NRG1: variants seen among roughly 807,000 people sequenced by gnomAD.
The protein encoded by NRG1 is pro-neuregulin-1, membrane-bound isoform.
A neutral mutation model predicts 63.8 loss-of-function variants in NRG1; 18 were observed. The ratio of observed to expected loss-of-function variants is 0.28; its 90% confidence interval spans 0.19 to 0.42. The LOEUF (loss-of-function observed/expected upper bound fraction) is 0.42, where lower values mean the gene tolerates loss of function less well. Among genes scored for constraint, NRG1 ranks in the 10% least tolerant of loss-of-function variants. The pLI, the probability that NRG1 is intolerant of heterozygous loss-of-function variation, is 1.00. For missense variants in NRG1, 762 were observed against 814.7 expected, an observed-to-expected ratio of 0.94 and a Z score of 0.79; for synonymous variants, 302 against 301.3, an observed-to-expected ratio of 1.00 and a Z score of -0.02.
intron 1 of NRG1, chr8:32,139,077 C>G (rs1835914939): frequency 1.3e-5 from 2 of 152,190 alleles, no homozygotes; most frequent in Non-Finnish European, 2.9e-5. Context: ...AGCAACCATT[C>G]TGACCATATC....
intron 1 of NRG1, among the ~76,000 whole-genome samples, chr8:31,849,862 G>A (rs1827047941): frequency 6.6e-6 from 1 of 152,100 alleles, no homozygotes; most frequent in Non-Finnish European, 1.5e-5. Flanking sequence ...GTATATTTAT[G>A]TTTTGAATTT....
intron 1 of NRG1, among the ~76,000 whole-genome samples, chr8:32,539,204 TC>T (rs1832331178): frequency 6.6e-6 from 1 of 152,224 alleles, no homozygotes. Context: ...AGGAGAAGTT[TC>T]TATTTTATAG....
intron 1 of NRG1, among the ~76,000 whole-genome samples, chr8:32,004,090 A>G (rs1216300181): frequency 2.4e-4 from 36 of 152,020 alleles, no homozygotes; most frequent in Non-Finnish European, 2.9e-5. Flanking sequence ...GAAACATGGA[A>G]GAACCTTAAA....
At chr8:32,769,393 T>A (rs556297134), downstream of NRG1, among the ~76,000 whole-genome samples, 1 of 152,166 alleles carries the variant, frequency 6.6e-6, no homozygotes, top group Non-Finnish European at 1.5e-5. Context: ...TGTTCTCTCT[T>A]GATTTTTAAA....
At chr8:31,724,077 C>T (rs1813184225) in intron 1 of NRG1, among the ~76,000 whole-genome samples, 1 of 151,984 alleles carries the variant, frequency 6.6e-6, no homozygotes, top group East Asian at 1.9e-4. Context: ...TGATAATGAT[C>T]ATATATATTA....
At chr8:31,738,547 T>C (rs34949174) in intron 1 of NRG1, among the ~76,000 whole-genome samples, 35,389 of 152,028 alleles carry the variant, frequency 0.23, 4,395 homozygotes, top group Admixed American at 0.27. Flanking sequence ...TAGGCCTCTC[T>C]TTCCAGGTCT....
At chr8:31,861,811 ATCT>A (rs1041366683) in intron 1 of NRG1, among the ~76,000 whole-genome samples, 1 of 152,158 alleles carries the variant, frequency 6.6e-6, no homozygotes, top group Admixed American at 6.5e-5. Context: ...CAGTAATGTC[ATCT>A]TCTTCTGCTA....
At chr8:31,816,121 G>A (rs539892128) in intron 1 of NRG1, among the ~76,000 whole-genome samples, 2 of 152,176 alleles carry the variant, frequency 1.3e-5, no homozygotes, top group South Asian at 2.1e-4. Flanking sequence ...TCTTACCTTC[G>A]AAGTCACAGT....
chr8:32,298,732 A>G (rs7836992), intron 1 of NRG1, among the ~76,000 whole-genome samples: 10,219 of 110,814 alleles, frequency 0.092, 719 homozygotes, highest in African/African-American at 0.31. Flanking sequence ...AAAAAAAAAG[A>G]AAAGAAAAGA....
intron 5 of NRG1, among the ~76,000 whole-genome samples, chr8:32,712,107 C>T (rs1304607432): frequency 6.6e-6 from 1 of 152,134 alleles, no homozygotes; most frequent in Non-Finnish European, 1.5e-5. Context: ...AGTCTTTCTG[C>T]ACTTTGTAGA....
rs115655416 is a variant in NRG1, at chr8:32,152,724, A to G, written c.38-443104A>G. On this transcript the variant is annotated intron_variant, in intron 1 of 10. Transcript: ENST00000519301. ...AGTGACTGCTGAACTGGTTAAATCCACAAAAAAAAGCATCACATGAATTCA... is the reference window on the plus strand; with the variant it reads ...AGTGACTGCTGAACTGGTTAAATCCGCAAAAAAAAGCATCACATGAATTCA... 9.2e-3 allele frequency among the ~76,000 whole-genome samples: 1,400 copies of G among 152,320 alleles called. 18 individuals are homozygous for G. Among genetic ancestry groups the G allele is most frequent in the African/African-American group, 0.032 (1,341 of 41,568 alleles).
At chr8:32,760,526 T>C in intron 11 of NRG1, 120 bp downstream of exon 11, 1 of 1,502,600 alleles carries the variant, frequency 6.7e-7, no homozygotes, top group Non-Finnish European at 8.8e-7. Context: ...CAGTTACCTG[T>C]TCTAGGAGTG....
intron 1 of NRG1, among the ~76,000 whole-genome samples, chr8:32,117,599 A>G (rs1227491949): frequency 6.6e-6 from 1 of 152,108 alleles, no homozygotes; most frequent in African/African-American, 2.4e-5. Flanking sequence ...TTTGAAATTC[A>G]TGATTAACTC....
At chr8:31,803,196 C>T (rs550187992) in intron 1 of NRG1, among the ~76,000 whole-genome samples, 1 of 152,290 alleles carries the variant, frequency 6.6e-6, no homozygotes, top group African/African-American at 2.4e-5. Context: ...AACCTATTTT[C>T]TCCAAATGTT....
chr8:31,672,768 C>T (rs919625137), intron 1 of NRG1, among the ~76,000 whole-genome samples: 2 of 152,070 alleles, frequency 1.3e-5, no homozygotes, highest in Non-Finnish European at 2.9e-5. Context: ...TATGATGACT[C>T]ATTTAGTTGG....
chr8:32,441,539 A>G (rs1320603659), intron 1 of NRG1: 1 of 151,156 alleles, frequency 6.6e-6, no homozygotes, highest in Admixed American at 6.6e-5. Context: ...GGAACCCTCA[A>G]CCCCAGGAGT....
chr8:32,433,799 G>A (rs1818460369), intron 1 of NRG1, among the ~76,000 whole-genome samples: 2 of 152,048 alleles, frequency 1.3e-5, no homozygotes, highest in Non-Finnish European at 2.9e-5. Context: ...AACCTCACCA[G>A]GAGTAGGAAA....
intron 1 of NRG1, among the ~76,000 whole-genome samples, chr8:31,675,395 G>C (rs1807583993): frequency 6.6e-6 from 1 of 152,204 alleles, no homozygotes; most frequent in Non-Finnish European, 1.5e-5. Flanking sequence ...ACTGGCTGCA[G>C]TGTCCATAGG....
rs565094506 is a variant in NRG1, at chr8:32,372,343, C to T, written c.38-223485C>T. Among the ~76,000 whole-genome samples, 4 of 152,002 alleles carry T rather than the reference C, an allele frequency of 2.6e-5. No individual in the cohort carries two copies. The East Asian group carries it at 5.8e-4, about 22-fold the overall frequency. On this transcript the variant is annotated intron_variant, in intron 1 of 10. Transcript: ENST00000519301. ...TTCTGACTATAGCTTTAAACCCAGG[C>T]TCTGCCATCTCCATGCTGTTTAACA... is the stretch of plus-strand genomic sequence containing the variant.
Sources: gnomAD v4.1 joint callset for allele counts (sites outside exome capture counted in the v4.1 genomes callset) on GRCh38, gnomAD v4.1.1 for gene constraint, MANE v1.5 for transcripts, NCBI Gene and HGNC (gene_info 2026-07-23, HGNC 2026-07-21) for gene names.